SUPT3H: variants seen among roughly 807,000 people sequenced by gnomAD.
SUPT3H encodes transcription initiation protein SPT3 homolog.
Under a neutral mutation model 44.3 loss-of-function variants are expected in SUPT3H, and 44 were observed. The observed-to-expected ratio is 0.99, with a 90% CI of 0.78 to 1.28. The LOEUF is 1.28. SUPT3H is among the 50% of genes most tolerant of loss of function. The pLI is 0.00. For missense variants in SUPT3H, 380 were observed against 387.1 expected (o/e 0.98, Z 0.15); for synonymous variants, 124 against 125.6 (o/e 0.99, Z 0.09).
chr6:44,978,398 T>G (rs1778634091), intron 6 of SUPT3H, among the ~76,000 whole-genome samples: 1 of 152,200 alleles, frequency 6.6e-6, no homozygotes, highest in African/African-American at 2.4e-5. Flanking sequence ...GGAACTGTGA[T>G]TTTAATATGT....
chr6:45,191,677 TA>T (rs11321900), intron 2 of SUPT3H, among the ~76,000 whole-genome samples: 93,701 of 151,812 alleles, frequency 0.62, 29,537 homozygotes, highest in African/African-American at 0.75. Flanking sequence ...TTAACTGCTC[TA>T]AAAAATACAG....
intron 2 of SUPT3H, among the ~76,000 whole-genome samples, chr6:45,179,393 C>T (rs903476588): frequency 2.6e-5 from 4 of 152,166 alleles, no homozygotes; most frequent in African/African-American, 4.8e-5. Flanking sequence ...CCAGCATCAT[C>T]CTGATACCAA....
intron 6 of SUPT3H, among the ~76,000 whole-genome samples, chr6:44,970,241 A>T (rs1777378021): frequency 6.6e-6 from 1 of 152,134 alleles, no homozygotes; most frequent in Admixed American, 6.5e-5. Flanking sequence ...CCCATTAAAA[A>T]TTTTTAATCT....
chr6:44,901,688 C>G (rs1765089487), intron 10 of SUPT3H, among the ~76,000 whole-genome samples: 1 of 151,472 alleles, frequency 6.6e-6, no homozygotes, highest in Admixed American at 6.6e-5. Flanking sequence ...CAAAGATACT[C>G]CTCGAGAAGA....
chr6:45,015,920 G>C lies in SUPT3H; in HGVS notation c.274-1029C>G, dbSNP rs182153997. On this transcript the variant is annotated intron_variant, in intron 4 of 10. Coordinates refer to ENST00000371459, the MANE Select transcript of SUPT3H (RefSeq NM_003599.4). ...CAAGGGCAATAGCATGCATGGAACT[G>C]TCAGCTCCCTTGATAACTGCTTTTT... 9.6e-4 allele frequency among the ~76,000 whole-genome samples: 146 copies of C among 152,082 alleles called. 1 individual carries two copies. The highest frequency in any genetic ancestry group is 2.4e-3 in the Admixed American group (36 of 15,222).
chr6:45,118,111 G>A (rs1334631074), intron 2 of SUPT3H, among the ~76,000 whole-genome samples: 1 of 151,828 alleles, frequency 6.6e-6, no homozygotes, highest in African/African-American at 2.4e-5. Context: ...TAAAAATTTG[G>A]CATGCATAAA....
intron 6 of SUPT3H, among the ~76,000 whole-genome samples, chr6:44,998,682 C>T (rs904511390): frequency 6.6e-6 from 1 of 151,886 alleles, no homozygotes; most frequent in Non-Finnish European, 1.5e-5. Flanking sequence ...AGAGGTGACA[C>T]AGATTCATTC....
intron 2 of SUPT3H, among the ~76,000 whole-genome samples, chr6:45,143,642 C>A (rs914239377): frequency 6.6e-6 from 1 of 151,934 alleles, no homozygotes; most frequent in African/African-American, 2.4e-5. Flanking sequence ...CCTCAAGGAA[C>A]TGGAGAAACA....
chr6:45,050,278 A>AGCGTGT (rs1554221019), intron 3 of SUPT3H, among the ~76,000 whole-genome samples: 3 of 147,420 alleles, frequency 2.0e-5, no homozygotes, highest in Admixed American at 2.0e-4. Context: ...CTTTTTCTGC[A>AGCGTGT]GTGTGTGTGT....
intron 2 of SUPT3H, among the ~76,000 whole-genome samples, chr6:45,232,488 A>G (rs1562751677): frequency 6.6e-6 from 1 of 152,168 alleles, no homozygotes; most frequent in Non-Finnish European, 1.5e-5. Flanking sequence ...GGCAGTGTAC[A>G]TTGGTATGAG....
chr6:44,886,406 G>A (rs28828094), intron 10 of SUPT3H, among the ~76,000 whole-genome samples: 28 of 152,294 alleles, frequency 1.8e-4, no homozygotes, highest in African/African-American at 5.8e-4. Flanking sequence ...CCATCAGACT[G>A]ACAGCTGATC....
rs535142208 is a variant in SUPT3H, at chr6:45,375,381, T to C, written c.-1+2387A>G. On this transcript the variant is annotated intron_variant, in intron 1 of 10. Transcript: ENST00000371459. Reference sequence around the variant, plus strand: ...AATAATTGTGCTGGAACAATCAGGCTTTATACTACGACTGTCTCAGAAAAA... The same window carrying C: ...AATAATTGTGCTGGAACAATCAGGCCTTATACTACGACTGTCTCAGAAAAA... Among the ~76,000 whole-genome samples, 16 of 152,302 alleles carry C rather than the reference T, an allele frequency of 1.1e-4. No homozygotes were observed. In the South Asian group the frequency reaches 3.3e-3, roughly 32 times the overall value.
intron 2 of SUPT3H, among the ~76,000 whole-genome samples, chr6:45,151,974 TC>T: frequency 6.6e-6 from 1 of 152,242 alleles, no homozygotes; most frequent in Non-Finnish European, 1.5e-5. Context: ...TCCTGAGGGC[TC>T]AATTCTCAGA....
intron 3 of SUPT3H, among the ~76,000 whole-genome samples, chr6:45,079,636 A>G (rs766225928): frequency 1.3e-5 from 2 of 152,324 alleles, no homozygotes; most frequent in Middle Eastern, 3.4e-3. Context: ...AGAACCCAGA[A>G]CAAATACATA....
chr6:44,990,939 T>G (rs1009182608), intron 6 of SUPT3H, among the ~76,000 whole-genome samples: 3 of 151,922 alleles, frequency 2.0e-5, no homozygotes, highest in African/African-American at 7.2e-5. Flanking sequence ...TCTTGCAAAA[T>G]GAAAACAATT....
intron 2 of SUPT3H, among the ~76,000 whole-genome samples, chr6:45,302,512 G>A (rs1782288589): frequency 1.2e-5 from 1 of 80,190 alleles, no homozygotes; most frequent in Admixed American, 1.7e-4. Flanking sequence ...AAGTATCTCA[G>A]GAATATATAT....
chr6:45,019,314 AT>A (rs1215886063), intron 4 of SUPT3H, among the ~76,000 whole-genome samples: 2 of 151,812 alleles, frequency 1.3e-5, no homozygotes, highest in Non-Finnish European at 2.9e-5. Flanking sequence ...GGATTCATTA[AT>A]TTTTTGAAGG....
chr6:45,233,488 G>A (rs1768465256), intron 2 of SUPT3H, among the ~76,000 whole-genome samples: 1 of 152,326 alleles, frequency 6.6e-6, no homozygotes, highest in Admixed American at 6.5e-5. Flanking sequence ...AATTTGTGAA[G>A]GTAGAGAAGC....
intron 3 of SUPT3H, among the ~76,000 whole-genome samples, chr6:45,065,698 T>C (rs1253816485): frequency 6.6e-6 from 1 of 150,946 alleles, no homozygotes; most frequent in African/African-American, 2.4e-5. Flanking sequence ...GCAAATAAAC[T>C]AGAAAATCTA....
Sources: gnomAD v4.1 joint callset for allele counts (sites outside exome capture counted in the v4.1 genomes callset) on GRCh38, gnomAD v4.1.1 for gene constraint, MANE v1.5 for transcripts, NCBI Gene and HGNC (gene_info 2026-07-23, HGNC 2026-07-21) for gene names.